The following EDNRB variants were observed in gnomAD, a reference collection of about 807,000 sequenced individuals.
EDNRB encodes the protein Hirschsprung disease 2.
EDNRB carries 18 observed loss-of-function variants against 46.4 expected under a neutral mutation model. The observed-to-expected ratio is 0.39, with a 90% CI of 0.27 to 0.57. EDNRB has a LOEUF of 0.57. Ranked by LOEUF, EDNRB falls within the 20% of genes least tolerant of loss-of-function variation. The pLI, the probability that EDNRB is intolerant of heterozygous loss-of-function variation, is 0.61. For missense variants in EDNRB, 434 were observed against 537.5 expected (o/e 0.81, Z 1.90); for synonymous variants, 213 against 204.9 (o/e 1.04, Z -0.34).
chr13:77,932,044 T>C (rs1300540229), intron 1 of EDNRB, among the ~76,000 whole-genome samples: 2 of 95,416 alleles, frequency 2.1e-5, no homozygotes, highest in African/African-American at 6.0e-5. Context: ...TGTTGGTGAA[T>C]TATTAAAAAA....
rs1039613986 is a variant in EDNRB at position 77,937,648 on chromosome 13, G to T, written c.-51-19024C>A. On this transcript the variant is annotated intron_variant, in intron 1 of 7. Transcript: ENST00000646948. ...TGGGCAGGTGGGGGAAGAGCTAGTCGTGGGACTAAACTGTAAGCCGGACCA... is the reference window on the plus strand; with the variant it reads ...TGGGCAGGTGGGGGAAGAGCTAGTCTTGGGACTAAACTGTAAGCCGGACCA... Among the ~76,000 whole-genome samples the T allele has an allele frequency of 2.0e-5, 3 of 152,176 alleles. No individual in the cohort carries two copies. The South Asian group carries it at 6.2e-4, about 32-fold the overall frequency.
At position 77,918,012 on chromosome 13, in the gene EDNRB, C is replaced by G. The variant is rs12720162; in HGVS notation, c.483+79G>C. Reference sequence around the variant, plus strand: ...AGAGGGAGCTAAAGGGAAGCTCCCTCTACAAGCTTTCTCATCTCCCCGTCT... The same window carrying G: ...AGAGGGAGCTAAAGGGAAGCTCCCTGTACAAGCTTTCTCATCTCCCCGTCT... On this transcript the variant is annotated intron_variant, in intron 1 of 6. Coordinates refer to ENST00000646607, the MANE Select transcript of EDNRB (RefSeq NM_001122659.3). This position sits in a 1 kb window ranked among gnomAD's most constrained non-coding sequence, Gnocchi z 4.5. 1 of 1,609,146 alleles carries G rather than the reference C, an allele frequency of 6.2e-7. No homozygotes were observed. Among genetic ancestry groups the G allele is most frequent in the South Asian group, 1.1e-5 (1 of 90,520 alleles).
intron 6 of EDNRB, 58 bp from the exon 7 acceptor site, chr13:77,898,392 C>T: frequency 6.2e-7 from 1 of 1,605,894 alleles, no homozygotes; most frequent in Non-Finnish European, 8.5e-7. Context: ...CCCAACTCTT[C>T]CTCCTCTCCA....
chr13:77,905,100 A>T (rs561851215), intron 1 of EDNRB, among the ~76,000 whole-genome samples: 7 of 152,060 alleles, frequency 4.6e-5, no homozygotes, highest in Admixed American at 1.3e-4. Flanking sequence ...TTAATGTAGG[A>T]TCCTGAAGAC....
intron 5 of EDNRB, 115 bp from the exon 6 acceptor site, chr13:77,900,082 T>G: frequency 1.2e-6 from 1 of 817,040 alleles, no homozygotes. Context: ...TGGTTCTAAA[T>G]TTATCACTCG....
At chr13:77,940,626 A>G (rs187218072) in intron 1 of EDNRB, among the ~76,000 whole-genome samples, 18 of 152,270 alleles carry the variant, frequency 1.2e-4, no homozygotes, top group African/African-American at 4.3e-4. Flanking sequence ...AGAAGCATGT[A>G]TACTCACACT....
At chr13:77,959,543 G>A (rs535515721) in intron 1 of EDNRB, among the ~76,000 whole-genome samples, 71 of 152,244 alleles carry the variant, frequency 4.7e-4, no homozygotes, top group South Asian at 3.3e-3. Context: ...CCATCTGTAC[G>A]TCACCATCAT....
intron 1 of EDNRB, among the ~76,000 whole-genome samples, chr13:77,928,446 C>T (rs1010051159): frequency 1.3e-5 from 2 of 152,186 alleles, no homozygotes; most frequent in Middle Eastern, 3.4e-3. Flanking sequence ...CATATTTTTT[C>T]ATGATACTAT....
chr13:77,921,580 C>G (rs1313496460), upstream of EDNRB, among the ~76,000 whole-genome samples: 2 of 152,172 alleles, frequency 1.3e-5, no homozygotes, highest in Non-Finnish European at 1.5e-5. Context: ...ACAGACTATG[C>G]TTTTTATTAT....
intron 1 of EDNRB, among the ~76,000 whole-genome samples, chr13:77,968,633 T>C (rs1881643730): frequency 6.6e-6 from 1 of 152,142 alleles, no homozygotes; most frequent in South Asian, 2.1e-4. Flanking sequence ...TATTAAGTGC[T>C]ATGAAGGAAA....
At position 77,896,584 on chromosome 13, in the gene EDNRB, A is replaced by C. The variant is rs1171172155; in HGVS notation, c.*1616T>G. ...CTATTAAAAGAAAAACAAAGTAAAA[A>C]TTTGGGCATATTTTAAGACCGAGTT... On this transcript the variant is annotated 3_prime_UTR_variant, in exon 7 of 7. Transcript: ENST00000646607. 2 of 1,545,212 alleles carry C rather than the reference A, an allele frequency of 1.3e-6. No individual in the cohort carries two copies. The highest frequency in any genetic ancestry group is 4.9e-5 in the East Asian group (2 of 40,772).
At chr13:77,899,659 G>A (rs1878830757) in intron 6 of EDNRB, 200 bp downstream of exon 6, 1 of 523,926 alleles carries the variant, frequency 1.9e-6, no homozygotes, top group South Asian at 2.1e-5. Flanking sequence ...AGTAGGGAGT[G>A]GCTGACTAGG....
chr13:77,909,369 C>CA (rs1314185569), intron 1 of EDNRB, among the ~76,000 whole-genome samples: 1 of 151,944 alleles, frequency 6.6e-6, no homozygotes, highest in Non-Finnish European at 1.5e-5. Flanking sequence ...GTGAATCCTA[C>CA]AAAATCTCTC....
intron 1 of EDNRB, among the ~76,000 whole-genome samples, chr13:77,950,209 C>T (rs1358826459): frequency 6.6e-6 from 1 of 152,204 alleles, no homozygotes; most frequent in African/African-American, 2.4e-5. Context: ...TGACCAAACT[C>T]CTCTTTATAT....
At position 77,897,220 on chromosome 13, in the gene EDNRB, G is replaced by T; in HGVS notation, c.*980C>A. On this transcript the variant is annotated 3_prime_UTR_variant, in exon 7 of 7. Coordinates refer to ENST00000646607, the MANE Select transcript of EDNRB (RefSeq NM_001122659.3). Reference sequence around the variant, plus strand: ...TCGTAAAGCTATGAGCACAGGGCCTGCCCTCATTTAATCATCTACATGCAG... The same window carrying T: ...TCGTAAAGCTATGAGCACAGGGCCTTCCCTCATTTAATCATCTACATGCAG... 9 of 985,244 alleles carry T rather than the reference G, an allele frequency of 9.1e-6. No homozygotes were observed. The highest frequency in any genetic ancestry group is 8.4e-6 in the Non-Finnish European group (7 of 829,878). The allele number at this position is 985,244 out of a possible 1,614,324, so 61.0% of individuals were successfully genotyped here.
intron 1 of EDNRB, among the ~76,000 whole-genome samples, chr13:77,971,498 A>C (rs936582254): frequency 1.3e-5 from 2 of 151,436 alleles, no homozygotes; most frequent in African/African-American, 2.4e-5. Flanking sequence ...TTAAAACTCC[A>C]ACTGCCATTT....
intron 1 of EDNRB, among the ~76,000 whole-genome samples, chr13:77,948,165 CA>C (rs1880985589): frequency 6.6e-6 from 1 of 152,184 alleles, no homozygotes; most frequent in Non-Finnish European, 1.5e-5. Context: ...ATGTGCTAGA[CA>C]AAAGTCTTCT....
intron 6 of EDNRB, among the ~76,000 whole-genome samples, chr13:77,898,553 T>C (rs923925323): frequency 1.3e-5 from 2 of 152,038 alleles, no homozygotes; most frequent in African/African-American, 4.8e-5. Context: ...CCTACATAGT[T>C]AAAATTTCTC....
At chr13:77,963,142 C>T (rs1319921693) in intron 1 of EDNRB, among the ~76,000 whole-genome samples, 2 of 152,202 alleles carry the variant, frequency 1.3e-5, no homozygotes, top group South Asian at 2.1e-4. Context: ...AATGGAAGAA[C>T]ATTCCATGCT....
Sources: allele counts gnomAD v4.1 joint callset (sites outside exome capture counted in the v4.1 genomes callset), GRCh38; gene constraint gnomAD v4.1.1; non-coding constraint Gnocchi (gnomAD v3.1); transcripts MANE v1.5; gene names NCBI Gene and HGNC (gene_info 2026-07-23, HGNC 2026-07-21).